The following ZNG1E variants were observed in gnomAD, a reference collection of about 807,000 sequenced individuals.
ZNG1E encodes the protein zinc-regulated GTPase metalloprotein activator 1E.
At chr9:65,672,351 C>G in the ZNG1E span, among the ~76,000 whole-genome samples, 2 of 151,912 alleles carry the variant, frequency 1.3e-5, no homozygotes, top group Non-Finnish European at 2.9e-5. Flanking sequence ...ACATCAGAAA[C>G]TGTAATAGAT....
chr9:65,669,379 T>C, the ZNG1E span, among the ~76,000 whole-genome samples: 1 of 149,546 alleles, frequency 6.7e-6, no homozygotes, highest in East Asian at 1.9e-4. Context: ...TCTAACACTA[T>C]AAAAATTAGA....
chr9:65,691,156 C>G, the ZNG1E span: 1 of 1,193,420 alleles, frequency 8.4e-7, no homozygotes, highest in Admixed American at 2.5e-5. Flanking sequence ...GATCTCGGCT[C>G]ACTGCAACCT....
chr9:65,685,584 A>G, the ZNG1E span, among the ~76,000 whole-genome samples: 1 of 151,706 alleles, frequency 6.6e-6, no homozygotes, highest in Non-Finnish European at 1.5e-5. Flanking sequence ...AAGTTTTCTT[A>G]TGAGATTGCA....
the ZNG1E span, among the ~76,000 whole-genome samples, chr9:65,657,991 C>T: frequency 5.3e-5 from 8 of 152,186 alleles, no homozygotes; most frequent in East Asian, 1.9e-4. Context: ...CCAAGCTACT[C>T]GGGAGGCTGA....
chr9:65,664,080 C>G, the ZNG1E span, among the ~76,000 whole-genome samples: 1 of 152,200 alleles, frequency 6.6e-6, no homozygotes, highest in Non-Finnish European at 1.5e-5. Context: ...TACTTATGAA[C>G]AAATTGCTTC....
chr9:65,658,573 C>A, the ZNG1E span, among the ~76,000 whole-genome samples: 1 of 148,418 alleles, frequency 6.7e-6, no homozygotes, highest in African/African-American at 2.6e-5. Flanking sequence ...TAAGAGACTA[C>A]TTGAGTGAAA....
the ZNG1E span, among the ~76,000 whole-genome samples, chr9:65,680,811 T>C: frequency 6.6e-6 from 1 of 152,142 alleles, no homozygotes; most frequent in African/African-American, 2.4e-5. Flanking sequence ...TTTTTTGAGA[T>C]GGAGTCTCAC....
the ZNG1E span, among the ~76,000 whole-genome samples, chr9:65,722,697 A>ATTTTTG: frequency 1.8e-3 from 15 of 8,396 alleles, no homozygotes; most frequent in Non-Finnish European, 2.8e-3. Flanking sequence ...TGCCTAGCTA[A>ATTTTTG]TTTTTTTTTT....
chr9:65,672,547 C>T, the ZNG1E span, among the ~76,000 whole-genome samples: 9 of 151,644 alleles, frequency 5.9e-5, no homozygotes, highest in Non-Finnish European at 1.3e-4. Flanking sequence ...AGTTCAAGAC[C>T]AGCCTGGCTA....
At chr9:65,684,486 G>T in the ZNG1E span, among the ~76,000 whole-genome samples, 1 of 152,216 alleles carries the variant, frequency 6.6e-6, no homozygotes, top group East Asian at 1.9e-4. Flanking sequence ...GCGGTGAGCC[G>T]AGATCACGCC....
At chr9:65,662,187 C>A in the ZNG1E span, among the ~76,000 whole-genome samples, 1 of 152,210 alleles carries the variant, frequency 6.6e-6, no homozygotes, top group Non-Finnish European at 1.5e-5. Context: ...CTGAATTTAA[C>A]CATGCTGAAA....
At chr9:65,661,987 A>G in the ZNG1E span, among the ~76,000 whole-genome samples, 7 of 152,352 alleles carry the variant, frequency 4.6e-5, no homozygotes, top group East Asian at 5.8e-4. Flanking sequence ...ACATTTACAT[A>G]GTTTCAAAGT....
the ZNG1E span, among the ~76,000 whole-genome samples, chr9:65,663,162 T>G: frequency 1.3e-5 from 2 of 152,278 alleles, no homozygotes; most frequent in African/African-American, 2.4e-5. Context: ...CAATGTTTAC[T>G]GAGGAAGAAC....
chr9:65,675,188 G>C, the ZNG1E span, among the ~76,000 whole-genome samples: 1 of 152,290 alleles, frequency 6.6e-6, no homozygotes, highest in African/African-American at 2.4e-5. Flanking sequence ...GTGCACATAG[G>C]TACGTGTAAC....
the ZNG1E span, among the ~76,000 whole-genome samples, chr9:65,684,305 G>A: frequency 0.047 from 6,827 of 145,684 alleles, 1 homozygote; most frequent in Admixed American, 0.064. Context: ...GGGAGGCTGA[G>A]GCAGGTGGAT....
chr9:65,714,741 G>A, the ZNG1E span, among the ~76,000 whole-genome samples: 2 of 151,240 alleles, frequency 1.3e-5, no homozygotes, highest in African/African-American at 4.9e-5. Context: ...CACTTGAGGA[G>A]GCAGTCTGCC....
At chr9:65,709,806 T>TA in the ZNG1E span, among the ~76,000 whole-genome samples, 1 of 143,326 alleles carries the variant, frequency 7.0e-6, no homozygotes, top group Non-Finnish European at 1.5e-5. Flanking sequence ...AATGCCGCAA[T>TA]AAACATACGT....
chr9:65,721,171 CCTATTGTGG>C, the ZNG1E span, among the ~76,000 whole-genome samples: 241 of 144,164 alleles, frequency 1.7e-3, 5 homozygotes, highest in East Asian at 5.9e-4. Context: ...CGAATGAACC[CCTATTGTGG>C]CAGTTATGAT....
chr9:65,684,978 G>A, the ZNG1E span, among the ~76,000 whole-genome samples: 2 of 151,614 alleles, frequency 1.3e-5, no homozygotes, highest in African/African-American at 4.8e-5. Context: ...GGAGTTTGAG[G>A]CTGCAGTGAG....
Sources: gnomAD v4.1 joint callset for allele counts (sites outside exome capture counted in the v4.1 genomes callset) on GRCh38, gnomAD v4.1.1 for gene constraint, MANE v1.5 for transcripts, NCBI Gene and HGNC (gene_info 2026-07-23, HGNC 2026-07-21) for gene names.